PTPRT: variants seen among roughly 807,000 people sequenced by gnomAD.
PTPRT encodes protein tyrosine phosphatase receptor type T.
PTPRT carries 56 observed loss-of-function variants against 176.8 expected under a neutral mutation model. The observed-to-expected ratio is 0.32, with a 90% CI of 0.26 to 0.40. The LOEUF (loss-of-function observed/expected upper bound fraction) is 0.40, where lower values mean the gene tolerates loss of function less well. PTPRT is among the 10% of genes least tolerant of loss of function. PTPRT has a pLI of 1.00. For synonymous variants in PTPRT, 783 were observed against 739.0 expected, an observed-to-expected ratio of 1.06 and a Z score of -0.96; for missense variants, 1,540 against 1,908.2, an observed-to-expected ratio of 0.81 and a Z score of 3.60.
intron 1 of PTPRT, among the ~76,000 whole-genome samples, chr20:43,037,556 C>T (rs1986434290): frequency 1.3e-5 from 2 of 152,148 alleles, no homozygotes; most frequent in African/African-American, 4.8e-5. Context: ...AAGCAAAGGA[C>T]AAAACAGCTT....
intron 7 of PTPRT, among the ~76,000 whole-genome samples, chr20:42,492,851 C>T (rs1222147635): frequency 6.6e-6 from 1 of 152,098 alleles, no homozygotes; most frequent in East Asian, 1.9e-4. Context: ...AAAAGAATGA[C>T]TTTCTCTGTT....
intron 7 of PTPRT, among the ~76,000 whole-genome samples, chr20:42,483,027 T>C (rs1039797607): frequency 1.3e-5 from 2 of 152,206 alleles, no homozygotes; most frequent in African/African-American, 4.8e-5. Context: ...ATAAAAAGTG[T>C]TCTGAAGGAA....
At chr20:42,121,198 T>G (rs1228955780) in intron 19 of PTPRT, among the ~76,000 whole-genome samples, 1 of 152,228 alleles carries the variant, frequency 6.6e-6, no homozygotes. Context: ...GTGTTTCACT[T>G]GCTCGATAAT....
intron 11 of PTPRT, among the ~76,000 whole-genome samples, chr20:42,348,916 T>C (rs1011361840): frequency 3.9e-4 from 59 of 152,110 alleles, no homozygotes; most frequent in African/African-American, 1.4e-3. Flanking sequence ...AGTCTTACGA[T>C]ATATAAGCTT....
intron 12 of PTPRT, among the ~76,000 whole-genome samples, chr20:42,306,903 A>G (rs1326578919): frequency 6.6e-6 from 1 of 152,176 alleles, no homozygotes; most frequent in Non-Finnish European, 1.5e-5. Flanking sequence ...CATCTACTGA[A>G]AAAATGTAGT....
chr20:42,775,877 G>A (rs537115688), intron 4 of PTPRT, among the ~76,000 whole-genome samples: 46 of 152,268 alleles, frequency 3.0e-4, no homozygotes, highest in African/African-American at 1.0e-3. Context: ...TGAATTGAAC[G>A]CATATATTTC....
chr20:42,861,382 C>T (rs1291090295), intron 2 of PTPRT, among the ~76,000 whole-genome samples: 3 of 152,118 alleles, frequency 2.0e-5, no homozygotes, highest in African/African-American at 7.2e-5. Flanking sequence ...TAAATTAAGA[C>T]CCAGTGGGAA....
chr20:43,119,132 G>A (rs567048177), intron 1 of PTPRT, among the ~76,000 whole-genome samples: 10 of 152,174 alleles, frequency 6.6e-5, no homozygotes, highest in East Asian at 5.8e-4. Flanking sequence ...GGAAATGTTC[G>A]CCATAATGTT....
intron 7 of PTPRT, among the ~76,000 whole-genome samples, chr20:42,631,761 AAATGAATG>A (rs749934717): frequency 1.3e-5 from 2 of 152,140 alleles, no homozygotes; most frequent in East Asian, 1.9e-4. Flanking sequence ...AAGCTTGTGT[AAATGAATG>A]AATGAATGAA....
At chr20:42,527,382 G>C (rs2072297609) in intron 7 of PTPRT, among the ~76,000 whole-genome samples, 1 of 152,096 alleles carries the variant, frequency 6.6e-6, no homozygotes, top group Non-Finnish European at 1.5e-5. Flanking sequence ...GGGATTATTG[G>C]CTTATGGTAC....
chr20:42,720,677 T>C (rs926709301), intron 6 of PTPRT, among the ~76,000 whole-genome samples: 1 of 152,196 alleles, frequency 6.6e-6, no homozygotes, highest in Non-Finnish European at 1.5e-5. Context: ...TTATCATGAC[T>C]GAAGTTATAC....
chr20:43,168,350 C>G (rs979550538), intron 1 of PTPRT, among the ~76,000 whole-genome samples: 1 of 152,154 alleles, frequency 6.6e-6, no homozygotes, highest in Non-Finnish European at 1.5e-5. Context: ...AATGACAGCA[C>G]CTGGCCTGTC....
At chr20:42,495,528 T>C (rs2071637929) in intron 7 of PTPRT, among the ~76,000 whole-genome samples, 1 of 152,192 alleles carries the variant, frequency 6.6e-6, no homozygotes, top group Admixed American at 6.5e-5. Context: ...AAAGCAATAA[T>C]TCTCTGGCAA....
intron 9 of PTPRT, among the ~76,000 whole-genome samples, chr20:42,363,453 G>GGT (rs1356749982): frequency 1.4e-4 from 21 of 150,494 alleles, no homozygotes; most frequent in Non-Finnish European, 3.1e-4. Flanking sequence ...TGGGATTACA[G>GGT]GCATGCACCT....
rs1982596111 is a variant in PTPRT, at chr20:42,074,614, C to T, written c.*6265G>A. 1 of 395,898 alleles carries T rather than the reference C, an allele frequency of 2.5e-6. No homozygotes were observed. Among genetic ancestry groups the T allele is most frequent in the Non-Finnish European group, 4.4e-6 (1 of 224,986 alleles). 24.5% of individuals were successfully genotyped at this position (395,898 alleles called of 1,614,324 possible). A position where few individuals can be genotyped will look rare whatever the true frequency, so the allele number is the denominator to read the frequency against. On this transcript the variant is annotated 3_prime_UTR_variant, in exon 31 of 31. Transcript: ENST00000373187. ...AATAGATTTTCTTTCATCCTGAGCC[C>T]TTGCACTTCCCTTGTATCTGCCCCA...
At chr20:42,935,004 G>C (rs1600571971) in intron 1 of PTPRT, among the ~76,000 whole-genome samples, 1 of 150,398 alleles carries the variant, frequency 6.6e-6, no homozygotes, top group South Asian at 2.2e-4. Flanking sequence ...TTGAACCCAG[G>C]AGGTGGAGGT....
intron 9 of PTPRT, among the ~76,000 whole-genome samples, chr20:42,431,133 G>T (rs1232127920): frequency 6.6e-6 from 1 of 152,120 alleles, no homozygotes; most frequent in Non-Finnish European, 1.5e-5. Flanking sequence ...AATACATTTT[G>T]AATTCTTATA....
chr20:42,321,049 C>T (rs978731766), intron 11 of PTPRT, among the ~76,000 whole-genome samples: 18 of 152,122 alleles, frequency 1.2e-4, no homozygotes, highest in African/African-American at 4.3e-4. Flanking sequence ...GGACAATGAC[C>T]ATATGAGACT....
intron 1 of PTPRT, among the ~76,000 whole-genome samples, chr20:42,916,572 G>GTCC (rs1471706826): frequency 6.6e-6 from 1 of 152,272 alleles, no homozygotes; most frequent in East Asian, 1.9e-4. Flanking sequence ...CTAGTTTACA[G>GTCC]TCCCACCAAC....
Sources: allele counts gnomAD v4.1 joint callset (sites outside exome capture counted in the v4.1 genomes callset), GRCh38; gene constraint gnomAD v4.1.1; transcripts MANE v1.5; gene names NCBI Gene and HGNC (gene_info 2026-07-23, HGNC 2026-07-21).